INSRR: variants seen among roughly 807,000 people sequenced by gnomAD.
INSRR encodes the protein insulin receptor-related protein.
A neutral mutation model predicts 130.0 loss-of-function variants in INSRR; 114 were observed. That is an observed-to-expected ratio of 0.88 (90% confidence interval 0.75 to 1.02). INSRR has a LOEUF of 1.02. Among genes scored for constraint, INSRR ranks in the 50% least tolerant of loss-of-function variants. The pLI is 0.00. For missense variants in INSRR, 1,657 were observed against 1,735.2 expected (o/e 0.95, Z 0.80); for synonymous variants, 674 against 705.2 (o/e 0.96, Z 0.70).
intron 1 of INSRR, among the ~76,000 whole-genome samples, chr1:156,857,157 CTGTGTATGTGTGTGTGTGTG>C (rs1195151238): frequency 7.4e-5 from 9 of 121,390 alleles, no homozygotes; most frequent in East Asian, 4.6e-4. Flanking sequence ...TGCCCAGCAG[CTGTGTATGTGTGTGTGTGTG>C]TGTGTGTGTG....
At chr1:156,846,895 A>G in intron 7 of INSRR, 138 bp from the exon 8 acceptor site, 1 of 694,630 alleles carries the variant, frequency 1.4e-6, no homozygotes, top group East Asian at 2.7e-5. Flanking sequence ...GCCACCTGTT[A>G]GACCTTGGCA....
intron 5 of INSRR, 53 bp from the exon 6 acceptor site, chr1:156,849,513 G>GGGGGGGGGGGGGGGGGGGGGGGA: frequency 2.1e-6 from 1 of 486,122 alleles, no homozygotes; most frequent in Non-Finnish European, 4.1e-6. Flanking sequence ...CAGGGGGTGG[G>GGGGGGGGGGGGGGGGGGGGGGGA]AAAGGGGATG....
At chr1:156,845,533 A>AAAACCCCCCCCCC in intron 10 of INSRR, 86 bp downstream of exon 10, 1 of 728,024 alleles carries the variant, frequency 1.4e-6, no homozygotes, top group Non-Finnish European at 1.9e-6. Context: ...GCAAGGCCCC[A>AAAACCCCCCCCCC]CCCACAAACC....
chr1:156,849,321 C>G lies in INSRR; in HGVS notation c.1369G>C (p.Glu457Gln). The G allele has an allele frequency of 6.2e-7, 1 of 1,613,954 alleles. No individual in the cohort carries two copies. The highest frequency in any genetic ancestry group is 2.2e-5 in the East Asian group (1 of 44,874). Reference protein sequence around the residue: ...RLCLEHIYRLEEVTGTRGRQN... With the variant: ...RLCLEHIYRLQEVTGTRGRQN... ...CGACCTCGCGTGCCTGTCACCTCCT[C>G]CAGTCGGTAGATGTGTTCCAAGCAG... The change falls in exon 6 of 22, where the codon GAG becomes CAG. Residue 457 changes from glutamate to glutamine, a missense_variant. By Grantham distance (29) the Glu-to-Gln change is conservative (BLOSUM62 2). Transcript: ENST00000368195.
At position 156,854,197 on chromosome 1, in the gene INSRR, G is replaced by A. The variant is rs899624489; in HGVS notation, c.192C>T (p.Thr64=). The A allele has an allele frequency of 1.7e-5, 27 of 1,613,924 alleles. No individual in the cohort carries two copies. The highest frequency in any genetic ancestry group is 5.0e-5 in the Admixed American group (3 of 60,006). Residue 64 remains threonine, a synonymous_variant, in exon 2 of 22, where the codon ACC becomes ACT. Coordinates refer to ENST00000368195, the MANE Select transcript of INSRR (RefSeq NM_014215.3). This position sits in a 1 kb window ranked among gnomAD's most constrained non-coding sequence, Gnocchi z 4.2. ...HLQILLMFTA[T]GEDFRGLSFP... Reference sequence around the variant, plus strand: ...AGCTGAGGCCGCGGAAGTCCTCCCCGGTGGCTGTGAACATGAGCAGGATCT... The same window carrying A: ...AGCTGAGGCCGCGGAAGTCCTCCCCAGTGGCTGTGAACATGAGCAGGATCT...
In INSRR at chr1:156,846,543, C is replaced by T. The variant is rs138923152; in HGVS notation, c.1786G>A (p.Val596Ile). ...CCTGCAGGCAGCGTTCGGAGGTAGACGATGGGACTCTGGGCTCCTTGATGA... is the reference window on the plus strand; with the variant it reads ...CCTGCAGGCAGCGTTCGGAGGTAGATGATGGGACTCTGGGCTCCTTGATGA... ...SPHQGAQSPI[V>I]YLRTLPAAPT... is the part of the protein sequence containing the mutation. Residue 596 changes from valine (V) to isoleucine (I), a missense_variant, in exon 8 of 22, where the codon GTC (valine) becomes ATC (isoleucine). Transcript: ENST00000368195. 3.4e-4 allele frequency: 549 copies of T among 1,614,104 alleles called. 1 individual carries two copies. The highest frequency in any genetic ancestry group is 4.0e-4 in the Non-Finnish European group (473 of 1,179,988).
chr1:156,851,381 C>G lies in INSRR; in HGVS notation c.1138G>C (p.Gly380Arg). The change falls in exon 5 of 22, where the codon GGC (glycine) becomes CGC (arginine). Residue 380 changes from glycine (G) to arginine (R), a missense_variant. Physicochemically the swap from Gly to Arg is moderately radical, Grantham distance 125. Transcript: ENST00000368195. ...HSLGLVETIT[G>R]FLKIKHSFAL... ...AAGGAGTGCTTGATTTTGAGGAAGCCAGTAATGGTTTCTACCAGCCCCAGG... is the reference window on the plus strand; with the variant it reads ...AAGGAGTGCTTGATTTTGAGGAAGCGAGTAATGGTTTCTACCAGCCCCAGG... 4 of 1,614,088 alleles carry G rather than the reference C, an allele frequency of 2.5e-6. No individual in the cohort carries two copies. The highest frequency in any genetic ancestry group is 2.5e-6 in the Non-Finnish European group (3 of 1,179,982).
rs1443151347 is a variant in INSRR, at chr1:156,854,190, C to A, written c.199G>T (p.Asp67Tyr). Residue 67 changes from aspartate (D) to tyrosine (Y), a missense_variant, in exon 2 of 22, where the codon GAC (aspartate) becomes TAC (tyrosine). Physicochemically the swap from Asp to Tyr is radical, Grantham distance 160 (BLOSUM62 -3). Coordinates refer to ENST00000368195, the MANE Select transcript of INSRR (RefSeq NM_014215.3). The surrounding 1 kb of genome is among the most constrained non-coding windows in gnomAD (Gnocchi z 4.2). The stretch of plus-strand genomic sequence containing the variant: ...CGAGGGAAGCTGAGGCCGCGGAAGT[C>A]CTCCCCGGTGGCTGTGAACATGAGC... ...ILLMFTATGE[D>Y]FRGLSFPRLT... is the part of the protein sequence containing the mutation. 3.1e-6 allele frequency: 5 copies of A among 1,614,114 alleles called. No individual in the cohort carries two copies. Among genetic ancestry groups the A allele is most frequent in the Non-Finnish European group, 4.2e-6 (5 of 1,180,030 alleles).
At chr1:156,841,362 A>G (rs752744225) in intron 21 of INSRR, 32 bp downstream of exon 21, 7 of 1,607,386 alleles carry the variant, frequency 4.4e-6, no homozygotes, top group African/African-American at 1.3e-5. Flanking sequence ...AGGTAGATCA[A>G]CAATGAGGAA....
intron 5 of INSRR, among the ~76,000 whole-genome samples, chr1:156,850,551 T>C (rs961990036): frequency 7.5e-5 from 9 of 119,700 alleles, no homozygotes; most frequent in African/African-American, 3.1e-4. Context: ...TTTTTTTTTT[T>C]TTTTTTTTTT....
At position 156,851,820 on chromosome 1, in the gene INSRR, G is replaced by A. The variant is rs754331636; in HGVS notation, c.942-32C>T. On this transcript the variant is annotated intron_variant, in intron 3 of 21. Transcript: ENST00000368195. ...GGAGCAAGCAGATGTCCTGAGCCTT[G>A]GACCAGTTTGGGCCTCCTCAGGCCT... 2.5e-6 allele frequency: 4 copies of A among 1,591,954 alleles called. No individual in the cohort carries two copies. In the East Asian group the frequency reaches 9.0e-5, roughly 36 times the overall value.
Position 156,858,782 on chromosome 1 carries a change from G to A in INSRR, c.-161C>T. The A allele has an allele frequency of 3.2e-6, 2 of 624,654 alleles. No individual in the cohort carries two copies. The highest frequency in any genetic ancestry group is 1.9e-5 in the South Asian group (1 of 53,504). 38.7% of individuals were successfully genotyped at this position (624,654 alleles called of 1,614,324 possible). ...TCCCACACAGAGACAGCAGGAGACA[G>A]AAAAAAAGAAATGAGAGTCACAGAG... On this transcript the variant is annotated 5_prime_UTR_variant, in exon 1 of 22. Coordinates refer to ENST00000368195, the MANE Select transcript of INSRR (RefSeq NM_014215.3).
chr1:156,853,605 T>C, intron 2 of INSRR, 147 bp downstream of exon 2: 1 of 842,612 alleles, frequency 1.2e-6, no homozygotes, highest in East Asian at 2.6e-5. Flanking sequence ...TTCTGAGCCT[T>C]AGTTTCCTTA....
At chr1:156,852,705 T>G (rs1368673862) in intron 2 of INSRR, among the ~76,000 whole-genome samples, 2 of 152,220 alleles carry the variant, frequency 1.3e-5, no homozygotes, top group East Asian at 3.8e-4. Context: ...GGTTTGGAGC[T>G]GGAGGCCCAA....
rs777039062 is a variant in INSRR, at chr1:156,846,515, C to T, written c.1810+4G>A. On this transcript the variant is annotated splice_donor_region_variant and intron_variant, in intron 8 of 21. Coordinates refer to ENST00000368195, the MANE Select transcript of INSRR (RefSeq NM_014215.3). ...ACTGACTCTTGCACCCTCCAAATGC[C>T]TACCTGCAGGCAGCGTTCGGAGGTA... 1.2e-6 allele frequency: 2 copies of T among 1,611,184 alleles called. No individual in the cohort carries two copies. The highest frequency in any genetic ancestry group is 1.1e-5 in the South Asian group (1 of 90,922).
At chr1:156,856,982 C>T (rs1465670623) in intron 1 of INSRR, among the ~76,000 whole-genome samples, 1 of 152,184 alleles carries the variant, frequency 6.6e-6, no homozygotes, top group African/African-American at 2.4e-5. Flanking sequence ...TACTTCCCTT[C>T]CCACCGAGCC....
intron 2 of INSRR, 55 bp downstream of exon 2, chr1:156,853,697 C>T: frequency 6.6e-7 from 1 of 1,526,030 alleles, no homozygotes; most frequent in Non-Finnish European, 8.9e-7. Flanking sequence ...CCACCCAGCC[C>T]CATGTGACCC....
chr1:156,840,608 G>A lies in INSRR; in HGVS notation c.*265C>T, dbSNP rs1312983491. ...CTGAGTGGGGTCCCTACCTCTGAGG[G>A]CAGGACATCTCTCCCTGACCTGATC... On this transcript the variant is annotated 3_prime_UTR_variant, in exon 22 of 22. Transcript: ENST00000368195. The A allele has an allele frequency of 3.8e-6, 2 of 527,040 alleles. No individual in the cohort carries two copies. The highest frequency in any genetic ancestry group is 6.9e-6 in the Non-Finnish European group (2 of 291,584). The allele number at this position is 527,040 out of a possible 1,614,324, so 32.6% of individuals were successfully genotyped here.
chr1:156,845,509 A>G, intron 10 of INSRR, 96 bp from the exon 11 acceptor site: 1 of 1,482,960 alleles, frequency 6.7e-7, no homozygotes, highest in Non-Finnish European at 8.9e-7. Flanking sequence ...ACAACCCGGG[A>G]CCCGCCCACA....
Sources: gnomAD v4.1 joint callset for allele counts (sites outside exome capture counted in the v4.1 genomes callset) on GRCh38, gnomAD v4.1.1 for gene constraint, Gnocchi (gnomAD v3.1) non-coding constraint, MANE v1.5 for transcripts, NCBI Gene and HGNC (gene_info 2026-07-23, HGNC 2026-07-21) for gene names.